Variants in STIMATE observed in about 807,000 individuals in gnomAD.
The protein encoded by STIMATE is store-operated calcium entry regulator STIMATE.
In STIMATE, 15 loss-of-function variants were observed where a neutral mutation model predicts 36.7. That is an observed-to-expected ratio of 0.41 (90% CI 0.27 to 0.63). The LOEUF is 0.63. Ranked by LOEUF, STIMATE falls within the 20% of genes least tolerant of loss-of-function variation. STIMATE has a pLI of 0.32. For missense variants in STIMATE, 305 were observed against 397.3 expected (o/e 0.77, Z 1.98); for synonymous variants, 163 against 162.3 (o/e 1.00, Z -0.03).
In STIMATE at chr3:52,872,900, A is replaced by G. The variant is rs181050995; in HGVS notation, c.161-17456T>C. 2.4e-3 allele frequency among the ~76,000 whole-genome samples: 367 copies of G among 152,362 alleles called. 1 individual carries two copies. The highest frequency in any genetic ancestry group is 7.8e-3 in the African/African-American group (326 of 41,586). ...CTTGGCCTCCCAAAGTGTTGGGACT[A>G]CAGGTGTGAGCCACCACGCCCGGCA... On this transcript the variant is annotated intron_variant, in intron 1 of 7. Transcript: ENST00000355083.
chr3:52,884,072 A>G (rs777777716), intron 1 of STIMATE, among the ~76,000 whole-genome samples: 2 of 152,180 alleles, frequency 1.3e-5, no homozygotes, highest in Non-Finnish European at 2.9e-5. Flanking sequence ...TCTGTAGAGC[A>G]GCTTGATCAT....
intron 1 of STIMATE, among the ~76,000 whole-genome samples, chr3:52,868,630 T>C (rs544295461): frequency 7.2e-5 from 11 of 152,284 alleles, no homozygotes; most frequent in African/African-American, 2.6e-4. Context: ...ATTTTATTAT[T>C]TTATTTTTTG....
At chr3:52,852,797 A>G (rs750630807) in intron 2 of STIMATE, 99 bp from the exon 3 acceptor site, 3 of 1,436,810 alleles carry the variant, frequency 2.1e-6, no homozygotes, top group Non-Finnish European at 1.9e-6. Context: ...AGCCACCCCA[A>G]CCTTCCAATC....
At chr3:52,840,676 G>A in intron 7 of STIMATE, 66 bp from the exon 8 acceptor site, 5 of 1,440,246 alleles carry the variant, frequency 3.5e-6, no homozygotes, top group Non-Finnish European at 4.7e-6. Flanking sequence ...GCCCTCCCTG[G>A]ACCCTGGGCC....
chr3:52,857,977 G>C (rs1238408137), intron 1 of STIMATE, among the ~76,000 whole-genome samples: 1 of 152,130 alleles, frequency 6.6e-6, no homozygotes, highest in Non-Finnish European at 1.5e-5. Context: ...GAGGAGATTA[G>C]GACACAGATG....
chr3:52,865,535 A>C (rs1701291528), intron 1 of STIMATE, among the ~76,000 whole-genome samples: 1 of 152,222 alleles, frequency 6.6e-6, no homozygotes, highest in Non-Finnish European at 1.5e-5. Context: ...GGCGGCAAGA[A>C]AACATGAGGA....
chr3:52,852,752 A>G, intron 2 of STIMATE, 54 bp from the exon 3 acceptor site: 1 of 1,596,238 alleles, frequency 6.3e-7, no homozygotes, highest in Non-Finnish European at 8.5e-7. Flanking sequence ...GCAATATCCA[A>G]TTTGAGGAAA....
chr3:52,897,194 C>T, intron 1 of STIMATE, 97 bp downstream of exon 1: 1 of 1,450,370 alleles, frequency 6.9e-7, no homozygotes, highest in Non-Finnish European at 9.1e-7. Flanking sequence ...AATTCGGGTC[C>T]CAAGGCCTGA....
At chr3:52,867,485 T>C (rs1327837684) in intron 1 of STIMATE, among the ~76,000 whole-genome samples, 3 of 152,240 alleles carry the variant, frequency 2.0e-5, no homozygotes, top group African/African-American at 7.2e-5. Flanking sequence ...GCCTGTATGC[T>C]TTCTTGTTCA....
chr3:52,862,788 A>G (rs1701239145), intron 1 of STIMATE, among the ~76,000 whole-genome samples: 1 of 152,248 alleles, frequency 6.6e-6, no homozygotes, highest in Non-Finnish European at 1.5e-5. Flanking sequence ...AGATGTAATT[A>G]AAGATCATGA....
intron 7 of STIMATE, among the ~76,000 whole-genome samples, chr3:52,841,966 C>G (rs1032515355): frequency 1.3e-5 from 2 of 152,230 alleles, no homozygotes; most frequent in Non-Finnish European, 1.5e-5. Context: ...AGAGAAGACA[C>G]GGCTTCCCCT....
chr3:52,844,974 G>T, intron 4 of STIMATE, 33 bp from the exon 5 acceptor site: 1 of 1,607,860 alleles, frequency 6.2e-7, no homozygotes, highest in Non-Finnish European at 8.5e-7. Context: ...AGTCACATGG[G>T]GCCCAGGCAT....
intron 1 of STIMATE, among the ~76,000 whole-genome samples, chr3:52,883,777 C>T (rs1343723018): frequency 1.3e-5 from 2 of 152,000 alleles, no homozygotes; most frequent in Non-Finnish European, 2.9e-5. Context: ...GTTCCATTTG[C>T]TTTGCTTTTC....
chr3:52,865,095 T>C (rs4632535), intron 1 of STIMATE, among the ~76,000 whole-genome samples: 149,829 of 151,948 alleles, frequency 0.99, 73,910 homozygotes, highest in Middle Eastern at 1. Context: ...TACAGGCGCC[T>C]GCCACCATGC....
At chr3:52,847,243 A>C (rs1700923863) in intron 4 of STIMATE, 3 of 1,155,532 alleles carry the variant, frequency 2.6e-6, no homozygotes, top group East Asian at 6.5e-5. Flanking sequence ...TGCAATGAAC[A>C]ACCTCAGGCA....
At chr3:52,887,698 G>C (rs764740055) in intron 1 of STIMATE, among the ~76,000 whole-genome samples, 7 of 151,944 alleles carry the variant, frequency 4.6e-5, no homozygotes, top group Non-Finnish European at 8.8e-5. Flanking sequence ...AACTTCATCC[G>C]TCACCACATC....
intron 1 of STIMATE, among the ~76,000 whole-genome samples, chr3:52,884,231 T>G (rs1053323382): frequency 6.7e-6 from 1 of 149,126 alleles, no homozygotes; most frequent in Non-Finnish European, 1.5e-5. Context: ...TACAGTAATT[T>G]CCATCACCCA....
chr3:52,852,847 G>C, intron 2 of STIMATE, 149 bp from the exon 3 acceptor site: 1 of 900,390 alleles, frequency 1.1e-6, no homozygotes, highest in Non-Finnish European at 1.7e-6. Flanking sequence ...ACTAACTCAG[G>C]CTTGGCATCT....
At position 52,836,922 on chromosome 3, in the gene STIMATE, A is replaced by G. The variant is rs1236043494; in HGVS notation, c.*3572T>C. 5.6e-6 allele frequency: 1 copy of G among 177,716 alleles called. No individual in the cohort carries two copies. The highest frequency in any genetic ancestry group is 1.5e-4 in the East Asian group (1 of 6,518). 11.0% of individuals were successfully genotyped at this position (177,716 alleles called of 1,614,324 possible). On this transcript the variant is annotated 3_prime_UTR_variant, in exon 8 of 8. Coordinates refer to ENST00000355083, the MANE Select transcript of STIMATE (RefSeq NM_198563.5). ...TCCTTGCATAGGTCTGACTTCTAAC[A>G]AACTTCAGGAAAAGAAAAATCAAAT...
Sources: gnomAD v4.1 joint callset for allele counts (sites outside exome capture counted in the v4.1 genomes callset) on GRCh38, gnomAD v4.1.1 for gene constraint, MANE v1.5 for transcripts, NCBI Gene and HGNC (gene_info 2026-07-23, HGNC 2026-07-21) for gene names.